RUBCN: variants seen among roughly 807,000 people sequenced by gnomAD.
RUBCN encodes run domain Beclin-1-interacting and cysteine-rich domain-containing protein.
RUBCN carries 74 observed loss-of-function variants against 113.2 expected under a neutral mutation model. The observed-to-expected ratio is 0.65, with a 90% CI of 0.54 to 0.79. The LOEUF is 0.79. RUBCN is among the 30% of genes least tolerant of loss of function. RUBCN has a pLI of 0.00. For synonymous variants in RUBCN, 480 were observed against 490.0 expected (o/e 0.98, Z 0.27); for missense variants, 1,109 against 1,251.7 (o/e 0.89, Z 1.72).
At chr3:197,728,137 A>G (rs1386267025) in intron 1 of RUBCN, among the ~76,000 whole-genome samples, 2 of 152,186 alleles carry the variant, frequency 1.3e-5, no homozygotes, top group African/African-American at 4.8e-5. Context: ...ACAGTGGCAC[A>G]TGCCTGTAGT....
intron 5 of RUBCN, among the ~76,000 whole-genome samples, chr3:197,702,875 C>T (rs151083554): frequency 2.6e-5 from 4 of 152,112 alleles, no homozygotes; most frequent in African/African-American, 7.2e-5. Context: ...AAACTGACCC[C>T]GTGTAACATT....
At chr3:197,715,157 T>C (rs1725376516) in intron 2 of RUBCN, among the ~76,000 whole-genome samples, 2 of 151,380 alleles carry the variant, frequency 1.3e-5, no homozygotes, top group African/African-American at 4.8e-5. Context: ...GGCGTGGTGG[T>C]GCATGACTGT....
chr3:197,738,433 TTAAAAA>T, upstream of RUBCN, among the ~76,000 whole-genome samples: 1 of 152,346 alleles, frequency 6.6e-6, no homozygotes, highest in South Asian at 2.1e-4. Context: ...GTTTTGGCAA[TTAAAAA>T]TGAAATGAAA....
intron 5 of RUBCN, 33 bp from the exon 6 acceptor site, chr3:197,701,897 A>T: frequency 1.2e-6 from 2 of 1,609,358 alleles, no homozygotes; most frequent in Non-Finnish European, 1.7e-6. Context: ...AAAATGTGTC[A>T]GAGTTAAGGA....
chr3:197,749,472 G>A (rs1204503529), exon 1 of RUBCN: 21 of 1,276,122 alleles, frequency 1.6e-5, no homozygotes, highest in Non-Finnish European at 2.1e-5. Flanking sequence ...AGCGTGCCAG[G>A]GAGGGGGGAG....
intron 4 of RUBCN, 69 bp downstream of exon 4, chr3:197,704,473 G>A (rs1724055985): frequency 1.4e-6 from 2 of 1,418,428 alleles, no homozygotes; most frequent in Admixed American, 3.3e-5. Flanking sequence ...GGTACCAGAG[G>A]GGTAGAGGAT....
chr3:197,718,959 C>G (rs1725838121), intron 1 of RUBCN, among the ~76,000 whole-genome samples: 1 of 152,230 alleles, frequency 6.6e-6, no homozygotes, highest in African/African-American at 2.4e-5. Flanking sequence ...AAACGGCCAT[C>G]GCAGAGGCCA....
intron 5 of RUBCN, among the ~76,000 whole-genome samples, chr3:197,702,165 A>T (rs1057312470): frequency 6.6e-6 from 1 of 152,216 alleles, no homozygotes; most frequent in Non-Finnish European, 1.5e-5. Context: ...CTAGGGTTCA[A>T]ATCCAGGCCC....
At position 197,712,234 on chromosome 3, in the gene RUBCN, G is replaced by T. The variant is rs190641521; in HGVS notation, c.219+5743C>A. On this transcript the variant is annotated intron_variant, in intron 2 of 19. Coordinates refer to ENST00000296343, the MANE Select transcript of RUBCN (RefSeq NM_014687.4). ...GAAAAGAGGCTATCAAATATGCCTT[G>T]CCTTCTGGAAGGACTAAAAAGGTAG... Among the ~76,000 whole-genome samples, 33 of 152,262 alleles carry T rather than the reference G, an allele frequency of 2.2e-4. No homozygotes were observed. In the East Asian group the frequency reaches 6.4e-3, roughly 29 times the overall value.
rs376429086 is a variant in RUBCN at position 197,674,895 on chromosome 3, A to T, written c.*123T>A. ...GACAAGTCAGTAAAAAAAAAAAAAA[A>T]GATGATGATAATTAAAAAAAAAAAA... On this transcript the variant is annotated 3_prime_UTR_variant, in exon 20 of 20. Coordinates refer to ENST00000296343, the MANE Select transcript of RUBCN (RefSeq NM_014687.4). The T allele has an allele frequency of 8.0e-3, 5,883 of 735,294 alleles. 12 individuals are homozygous for T. Among genetic ancestry groups the T allele is most frequent in the Middle Eastern group, 0.013 (32 of 2,410 alleles). 45.5% of individuals were successfully genotyped at this position (735,294 alleles called of 1,614,324 possible).
At chr3:197,714,657 T>C (rs1725321153) in intron 2 of RUBCN, among the ~76,000 whole-genome samples, 1 of 152,122 alleles carries the variant, frequency 6.6e-6, no homozygotes. Flanking sequence ...TACCAATTAG[T>C]TGATTAGCTC....
chr3:197,670,999 G>A lies in RUBCN; in HGVS notation c.*4019C>T, dbSNP rs1719735596. Reference sequence around the variant, plus strand: ...ACAATCCCGCCCCTCATGCCACAGTGTGCTGGTGCTTTTTTTGTTTTGTTT... The same window carrying A: ...ACAATCCCGCCCCTCATGCCACAGTATGCTGGTGCTTTTTTTGTTTTGTTT... On this transcript the variant is annotated 3_prime_UTR_variant, in exon 20 of 20. Transcript: ENST00000296343. Among the ~76,000 whole-genome samples, 1 of 152,138 alleles carries A rather than the reference G, an allele frequency of 6.6e-6. No homozygotes were observed.
chr3:197,733,206 C>G (rs1458466449), intron 1 of RUBCN, among the ~76,000 whole-genome samples: 2 of 152,220 alleles, frequency 1.3e-5, no homozygotes, highest in South Asian at 2.1e-4. Flanking sequence ...GGCACAGTGG[C>G]TCATGCTTGT....
chr3:197,694,621 AG>A, intron 9 of RUBCN, 36 bp from the exon 10 acceptor site: 2 of 1,559,560 alleles, frequency 1.3e-6, no homozygotes, highest in Non-Finnish European at 1.8e-6. Context: ...GCAAAGGGTT[AG>A]AAGTATTGAA....
At position 197,671,726 on chromosome 3, in the gene RUBCN, G is replaced by C. The variant is rs532335624; in HGVS notation, c.*3292C>G. 6.6e-6 allele frequency: 1 copy of C among 152,326 alleles called. No individual in the cohort carries two copies. The highest frequency in any genetic ancestry group is 2.4e-5 in the African/African-American group (1 of 41,566). The allele number at this position is 152,326 out of a possible 1,614,324, so 9.4% of individuals were successfully genotyped here. On this transcript the variant is annotated 3_prime_UTR_variant, in exon 20 of 20. Transcript: ENST00000296343. ...GCTGCTCACAGAAGTGGGAACTGAA[G>C]CATCTAAGGCAAGTCAGATGTTGCG...
At chr3:197,722,591 C>T (rs1271187328) in intron 1 of RUBCN, among the ~76,000 whole-genome samples, 1 of 150,566 alleles carries the variant, frequency 6.6e-6, no homozygotes, top group Non-Finnish European at 1.5e-5. Context: ...TAAGGTGCTC[C>T]CATGTTGGAT....
At chr3:197,694,902 T>C (rs1447439968) in intron 9 of RUBCN, among the ~76,000 whole-genome samples, 1 of 152,228 alleles carries the variant, frequency 6.6e-6, no homozygotes, top group African/African-American at 2.4e-5. Context: ...ATAAATGCTA[T>C]GTCTCAAGAT....
At chr3:197,742,990 C>CT (rs899146814) in intron 1 of RUBCN, among the ~76,000 whole-genome samples, 10 of 152,198 alleles carry the variant, frequency 6.6e-5, no homozygotes, top group Non-Finnish European at 1.0e-4. Context: ...AGGGCAAGGC[C>CT]TAATAAGCTG....
chr3:197,749,409 C>A (rs1728905282), exon 1 of RUBCN: 1 of 1,212,072 alleles, frequency 8.3e-7, no homozygotes. Context: ...ACCGTCACTG[C>A]AGCGTTTGCT....
Sources: gnomAD v4.1 joint callset for allele counts (sites outside exome capture counted in the v4.1 genomes callset) on GRCh38, gnomAD v4.1.1 for gene constraint, MANE v1.5 for transcripts, NCBI Gene and HGNC (gene_info 2026-07-23, HGNC 2026-07-21) for gene names.